B3GALT1: variants seen among roughly 807,000 people sequenced by gnomAD.
B3GALT1 encodes beta-1,3-galactosyltransferase 1.
In B3GALT1, 10 loss-of-function variants were observed where a neutral mutation model predicts 23.2. The ratio of observed to expected loss-of-function variants is 0.43; its 90% CI spans 0.27 to 0.73. The LOEUF is 0.73. Ranked by LOEUF, B3GALT1 falls within the 30% of genes least tolerant of loss-of-function variation. The probability of loss-of-function intolerance (pLI) is 0.21; values close to 1 mark genes in which losing one functional copy is unlikely to be tolerated. For synonymous variants in B3GALT1, 156 were observed against 141.5 expected, an observed-to-expected ratio of 1.10 and a Z score of -0.73; for missense variants, 299 against 405.4, an observed-to-expected ratio of 0.74 and a Z score of 2.25.
At chr2:167,775,526 A>T (rs1490237792) in intron 3 of B3GALT1, among the ~76,000 whole-genome samples, 2 of 150,632 alleles carry the variant, frequency 1.3e-5, no homozygotes, top group Non-Finnish European at 3.0e-5. Context: ...CCGAGATCAC[A>T]CCACTGCACT....
chr2:167,533,552 C>T (rs897149497), intron 2 of B3GALT1, among the ~76,000 whole-genome samples: 1 of 152,110 alleles, frequency 6.6e-6, no homozygotes, highest in African/African-American at 2.4e-5. Flanking sequence ...TATTCATTTA[C>T]TAGTATTTTG....
intron 1 of B3GALT1, among the ~76,000 whole-genome samples, chr2:167,378,153 A>G (rs1697793374): frequency 6.6e-6 from 1 of 152,058 alleles, no homozygotes; most frequent in African/African-American, 2.4e-5. Flanking sequence ...TAGGTCCTTG[A>G]TCTCTCTTGG....
chr2:167,587,488 C>T (rs887188267), intron 2 of B3GALT1, among the ~76,000 whole-genome samples: 15 of 152,126 alleles, frequency 9.9e-5, no homozygotes, highest in African/African-American at 3.4e-4. Context: ...GAACTCACAG[C>T]GAGTGTGCTA....
intron 3 of B3GALT1, among the ~76,000 whole-genome samples, chr2:167,702,367 G>A (rs1330371713): frequency 6.6e-6 from 1 of 152,156 alleles, no homozygotes; most frequent in Non-Finnish European, 1.5e-5. Context: ...TCTCGATGAA[G>A]CAATATTCTT....
intron 2 of B3GALT1, among the ~76,000 whole-genome samples, chr2:167,498,026 G>C (rs1486423372): frequency 6.6e-6 from 1 of 152,076 alleles, no homozygotes; most frequent in South Asian, 2.1e-4. Flanking sequence ...AATGTGTTAG[G>C]CTTCATACTT....
At chr2:167,424,032 T>G (rs1337149365) in intron 1 of B3GALT1, among the ~76,000 whole-genome samples, 1 of 152,192 alleles carries the variant, frequency 6.6e-6, no homozygotes, top group Non-Finnish European at 1.5e-5. Context: ...AAAGTATCAT[T>G]ACACAAGACA....
chr2:167,791,403 A>G (rs1036952471), intron 3 of B3GALT1, among the ~76,000 whole-genome samples: 1 of 152,218 alleles, frequency 6.6e-6, no homozygotes, highest in East Asian at 1.9e-4. Context: ...CAAAATGGCT[A>G]CCTGGTTTTT....
intron 2 of B3GALT1, among the ~76,000 whole-genome samples, chr2:167,583,138 C>G (rs140654954): frequency 1.2e-3 from 184 of 152,340 alleles, no homozygotes; most frequent in African/African-American, 4.2e-3. Context: ...ACATCTCCAG[C>G]TGCAGCCCAG....
rs544290444 is a variant in B3GALT1, at chr2:167,600,140, A to G, written c.-409-46769A>G. On this transcript the variant is annotated intron_variant, in intron 2 of 4. Transcript: ENST00000392690. Reference sequence around the variant, plus strand: ...TCCCTAAAAAGAGGAAAATTTTGCAAGTATGATCAAGAGTGAAATGACCTT... The same window carrying G: ...TCCCTAAAAAGAGGAAAATTTTGCAGGTATGATCAAGAGTGAAATGACCTT... 5.3e-5 allele frequency among the ~76,000 whole-genome samples: 8 copies of G among 152,322 alleles called. No homozygotes were observed. The South Asian group carries it at 1.7e-3, about 32-fold the overall frequency.
intron 4 of B3GALT1, among the ~76,000 whole-genome samples, chr2:167,868,314 T>C (rs1690273677): frequency 6.6e-6 from 1 of 152,198 alleles, no homozygotes. Flanking sequence ...TCCAGTGTGA[T>C]AAACACATAT....
intron 2 of B3GALT1, among the ~76,000 whole-genome samples, chr2:167,643,525 G>A (rs148261411): frequency 1.6e-4 from 24 of 152,154 alleles, no homozygotes; most frequent in African/African-American, 5.3e-4. Context: ...AATCATAGAA[G>A]ACTTGAATTT....
At chr2:167,543,116 A>G (rs1389464083) in intron 2 of B3GALT1, among the ~76,000 whole-genome samples, 6 of 152,154 alleles carry the variant, frequency 3.9e-5, no homozygotes, top group African/African-American at 1.2e-4. Flanking sequence ...AGCTCAGTCA[A>G]TAACAGAGGA....
chr2:167,382,720 T>C (rs1297110660), intron 1 of B3GALT1, among the ~76,000 whole-genome samples: 1 of 152,030 alleles, frequency 6.6e-6, no homozygotes, highest in Non-Finnish European at 1.5e-5. Flanking sequence ...AATGAAGAGG[T>C]AGGGCAGTGG....
chr2:167,480,285 A>G (rs1409398513), intron 1 of B3GALT1, among the ~76,000 whole-genome samples: 1 of 152,138 alleles, frequency 6.6e-6, no homozygotes, highest in African/African-American at 2.4e-5. Flanking sequence ...GGGAGGGACT[A>G]TTACCATCTT....
intron 3 of B3GALT1, among the ~76,000 whole-genome samples, chr2:167,786,484 A>T (rs1224908447): frequency 2.6e-5 from 4 of 152,232 alleles, no homozygotes; most frequent in African/African-American, 7.2e-5. Flanking sequence ...TTACTGACAG[A>T]AAATTCTACT....
chr2:167,595,754 G>A (rs1199514086), intron 2 of B3GALT1, among the ~76,000 whole-genome samples: 1 of 152,080 alleles, frequency 6.6e-6, no homozygotes, highest in Non-Finnish European at 1.5e-5. Flanking sequence ...TTAAAATATG[G>A]GCTTTTATAC....
At position 167,370,267 on chromosome 2, in the gene B3GALT1, G is replaced by C. The variant is rs567178835; in HGVS notation, c.-511+76933G>C. ...AAGCCAACATTGTGTCCATTGAACT[G>C]TTGTGCCTGTACACAAGATGGTTCA... On this transcript the variant is annotated intron_variant, in intron 1 of 4. Transcript: ENST00000392690. Among the ~76,000 whole-genome samples, 37 of 152,272 alleles carry C rather than the reference G, an allele frequency of 2.4e-4. No individual in the cohort carries two copies. In the South Asian group the frequency reaches 2.7e-3, roughly 11 times the overall value.
chr2:167,834,503 T>G (rs1689417935), intron 4 of B3GALT1, among the ~76,000 whole-genome samples: 1 of 152,230 alleles, frequency 6.6e-6, no homozygotes, highest in Non-Finnish European at 1.5e-5. Context: ...ACTTCAGTTC[T>G]AGGTTAGATT....
intron 2 of B3GALT1, among the ~76,000 whole-genome samples, chr2:167,520,142 A>G (rs1282863003): frequency 1.3e-5 from 2 of 152,190 alleles, no homozygotes; most frequent in Non-Finnish European, 2.9e-5. Flanking sequence ...GAATTAAAAG[A>G]TAAAAATATA....
Sources: allele counts gnomAD v4.1 joint callset (sites outside exome capture counted in the v4.1 genomes callset), GRCh38; gene constraint gnomAD v4.1.1; transcripts MANE v1.5; gene names NCBI Gene and HGNC (gene_info 2026-07-23, HGNC 2026-07-21).